CEMIP: variants seen among roughly 807,000 people sequenced by gnomAD.
CEMIP encodes cell migration inducing hyaluronidase 1.
A neutral mutation model predicts 156.9 loss-of-function variants in CEMIP; 105 were observed. The ratio of observed to expected loss-of-function variants is 0.67; its 90% CI spans 0.57 to 0.79. The LOEUF is 0.79. CEMIP is among the 30% of genes least tolerant of loss of function. The pLI is 0.00. For missense variants in CEMIP, 1,457 were observed against 1,769.4 expected (o/e 0.82, Z 3.17); for synonymous variants, 676 against 668.4 (o/e 1.01, Z -0.17).
rs118103482 is a variant in CEMIP at position 80,785,224 on chromosome 15, G to A, written c.-176+5610G>A. The stretch of plus-strand genomic sequence containing the variant: ...CACTTAGGGAATTTCATCTAACTCT[G>A]GCTCCAGACACTGAGAATGGATGTT... On this transcript the variant is annotated intron_variant, in intron 1 of 29. Coordinates refer to ENST00000394685, the MANE Select transcript of CEMIP (RefSeq NM_001293298.2). Among the ~76,000 whole-genome samples, 49 of 152,236 alleles carry A rather than the reference G, an allele frequency of 3.2e-4. 1 individual carries two copies. In the East Asian group the frequency reaches 9.5e-3, roughly 29 times the overall value.
At chr15:80,829,535 G>C (rs936523470) in intron 1 of CEMIP, among the ~76,000 whole-genome samples, 4 of 152,190 alleles carry the variant, frequency 2.6e-5, no homozygotes, top group Non-Finnish European at 5.9e-5. Flanking sequence ...CCTTAGATCA[G>C]TTCTCAAACC....
intron 12 of CEMIP, among the ~76,000 whole-genome samples, chr15:80,900,582 A>AGGGG (rs1237433044): frequency 1.4e-4 from 7 of 49,890 alleles, no homozygotes; most frequent in African/African-American, 3.9e-4. Flanking sequence ...AGCCCCAGGT[A>AGGGG]GGGGTGTGTG....
At chr15:80,928,521 T>C (rs1467753748) in intron 19 of CEMIP, among the ~76,000 whole-genome samples, 2 of 152,076 alleles carry the variant, frequency 1.3e-5, no homozygotes, top group East Asian at 1.9e-4. Flanking sequence ...CACCTTTCCC[T>C]GGTGCTGGTC....
At chr15:80,785,234 A>G (rs1255317762) in intron 1 of CEMIP, among the ~76,000 whole-genome samples, 2 of 152,228 alleles carry the variant, frequency 1.3e-5, no homozygotes, top group African/African-American at 4.8e-5. Flanking sequence ...GGCTCCAGAC[A>G]CTGAGAATGG....
intron 7 of CEMIP, among the ~76,000 whole-genome samples, chr15:80,887,323 T>C (rs1469489444): frequency 3.9e-5 from 6 of 152,156 alleles, no homozygotes; most frequent in Non-Finnish European, 7.3e-5. Flanking sequence ...TCTTGGAACA[T>C]GTTTTCCTGA....
At chr15:80,924,792 C>G in intron 18 of CEMIP, 86 bp downstream of exon 18, 1 of 1,163,652 alleles carries the variant, frequency 8.6e-7, no homozygotes, top group Non-Finnish European at 1.3e-6. Flanking sequence ...CATTCATTCC[C>G]TGAGCATCTG....
At chr15:80,810,380 G>GT (rs1185886008) in intron 1 of CEMIP, among the ~76,000 whole-genome samples, 3 of 152,000 alleles carry the variant, frequency 2.0e-5, no homozygotes, top group African/African-American at 7.2e-5. Flanking sequence ...TTGTTTGTTT[G>GT]TTTTTGAGAC....
At chr15:80,860,783 C>T (rs1193176997) in intron 1 of CEMIP, among the ~76,000 whole-genome samples, 2 of 152,168 alleles carry the variant, frequency 1.3e-5, no homozygotes, top group South Asian at 2.1e-4. Context: ...ACTTACCCTA[C>T]CCCTTAGCTG....
chr15:80,825,685 G>A (rs753774388), intron 1 of CEMIP, among the ~76,000 whole-genome samples: 7 of 152,304 alleles, frequency 4.6e-5, no homozygotes, highest in Admixed American at 1.3e-4. Flanking sequence ...GTCCATCAGC[G>A]ATTTCACTTT....
chr15:80,904,258 G>T (rs1489246469), intron 12 of CEMIP, among the ~76,000 whole-genome samples: 1 of 152,168 alleles, frequency 6.6e-6, no homozygotes, highest in African/African-American at 2.4e-5. Flanking sequence ...GGGTGTGGTG[G>T]CACCCACCTG....
chr15:80,780,452 G>A (rs770954556), intron 1 of CEMIP, among the ~76,000 whole-genome samples: 3 of 152,202 alleles, frequency 2.0e-5, no homozygotes, highest in Non-Finnish European at 4.4e-5. Flanking sequence ...CATGAGAGAG[G>A]AGCGCTGTGC....
chr15:80,890,725 C>T (rs1290129795), intron 10 of CEMIP, among the ~76,000 whole-genome samples: 1 of 152,200 alleles, frequency 6.6e-6, no homozygotes. Flanking sequence ...CCCAGGTCAG[C>T]TCGAGTCCCA....
In CEMIP at chr15:80,909,028, A is replaced by G; in HGVS notation, c.1588-69A>G. The G allele has an allele frequency of 1.0e-5, 15 of 1,436,874 alleles. No homozygotes were observed. The South Asian group carries it at 1.3e-4, about 12-fold the overall frequency. 89.0% of individuals were successfully genotyped at this position (1,436,874 alleles called of 1,614,324 possible). ...AACAATGCCTCTGCATCTTTGGAATATGGGCACCAGCCAGGGAAATCACAA... is the reference window on the plus strand; with the variant it reads ...AACAATGCCTCTGCATCTTTGGAATGTGGGCACCAGCCAGGGAAATCACAA... On this transcript the variant is annotated intron_variant, in intron 13 of 29. Transcript: ENST00000394685.
chr15:80,926,677 G>T (rs1376543457), intron 19 of CEMIP, among the ~76,000 whole-genome samples: 1 of 152,040 alleles, frequency 6.6e-6, no homozygotes, highest in East Asian at 1.9e-4. Context: ...ACAGAGAAGG[G>T]GAGGTGCAAA....
chr15:80,949,590 G>T lies in CEMIP; in HGVS notation c.*666G>T. ...CCAGAAATCTGCTGCATTTCACATGGTACCTGGAACCCAACAGTTCATGGA... is the reference window on the plus strand; with the variant it reads ...CCAGAAATCTGCTGCATTTCACATGTTACCTGGAACCCAACAGTTCATGGA... On this transcript the variant is annotated 3_prime_UTR_variant, in exon 30 of 30. Coordinates refer to ENST00000394685, the MANE Select transcript of CEMIP (RefSeq NM_001293298.2). 1 of 165,786 alleles carries T rather than the reference G, an allele frequency of 6.0e-6. No homozygotes were observed. 10.3% of individuals were successfully genotyped at this position (165,786 alleles called of 1,614,324 possible).
At chr15:80,865,604 T>G (rs1480721478) in intron 1 of CEMIP, among the ~76,000 whole-genome samples, 1 of 152,136 alleles carries the variant, frequency 6.6e-6, no homozygotes. Context: ...GTGAGGACTT[T>G]TTTGCTTATC....
chr15:80,825,947 C>T (rs947243784), intron 1 of CEMIP, among the ~76,000 whole-genome samples: 1 of 152,206 alleles, frequency 6.6e-6, no homozygotes, highest in African/African-American at 2.4e-5. Flanking sequence ...ATTGTGGGCA[C>T]CTGGCCTTCT....
At chr15:80,855,583 C>T (rs1897833384) in intron 1 of CEMIP, among the ~76,000 whole-genome samples, 1 of 152,006 alleles carries the variant, frequency 6.6e-6, no homozygotes, top group African/African-American at 2.4e-5. Context: ...TCTCGGCTTA[C>T]TGCAACTTCT....
intron 17 of CEMIP, among the ~76,000 whole-genome samples, chr15:80,924,138 C>T (rs895935090): frequency 2.0e-5 from 3 of 152,180 alleles, no homozygotes; most frequent in Non-Finnish European, 4.4e-5. Context: ...AACAAGAAAG[C>T]CAGATTCTCT....
Sources: gnomAD v4.1 joint callset for allele counts (sites outside exome capture counted in the v4.1 genomes callset) on GRCh38, gnomAD v4.1.1 for gene constraint, MANE v1.5 for transcripts, NCBI Gene and HGNC (gene_info 2026-07-23, HGNC 2026-07-21) for gene names.